THSD4: variants seen among roughly 807,000 people sequenced by gnomAD.
The protein encoded by THSD4 is thrombospondin type-1 domain-containing protein 4.
Under a neutral mutation model 119.0 loss-of-function variants are expected in THSD4, and 69 were observed. The observed-to-expected ratio is 0.58, with a 90% CI of 0.48 to 0.71. The LOEUF is 0.71. Ranked by LOEUF, THSD4 falls within the 30% of genes least tolerant of loss-of-function variation. THSD4 has a pLI of 0.00. For synonymous variants in THSD4, 524 were observed against 540.4 expected, an observed-to-expected ratio of 0.97 and a Z score of 0.42; for missense variants, 1,393 against 1,391.1, an observed-to-expected ratio of 1.00 and a Z score of -0.02.
At chr15:71,278,400 G>A (rs2044615619) in intron 6 of THSD4, among the ~76,000 whole-genome samples, 1 of 152,114 alleles carries the variant, frequency 6.6e-6, no homozygotes, top group South Asian at 2.1e-4. Context: ...TGCCCAGCTG[G>A]TCTTGAACTC....
intron 7 of THSD4, among the ~76,000 whole-genome samples, chr15:71,453,814 T>C (rs113707922): frequency 5.9e-5 from 9 of 152,336 alleles, no homozygotes; most frequent in African/African-American, 2.2e-4. Context: ...GTGACCATCA[T>C]AACCGCCTGC....
intron 1 of THSD4, among the ~76,000 whole-genome samples, chr15:71,109,481 TGGAA>T (rs1455642548): frequency 6.6e-6 from 1 of 152,306 alleles, no homozygotes; most frequent in East Asian, 1.9e-4. Flanking sequence ...ATCTGAGAAC[TGGAA>T]GGGGCTATAC....
chr15:71,479,983 A>G (rs1343098640), intron 7 of THSD4, among the ~76,000 whole-genome samples: 1 of 152,186 alleles, frequency 6.6e-6, no homozygotes, highest in Non-Finnish European at 1.5e-5. Context: ...TTTATATTGT[A>G]TAAAATAAGA....
At chr15:71,736,917 CA>C (rs766176043) in intron 10 of THSD4, among the ~76,000 whole-genome samples, 10 of 152,224 alleles carry the variant, frequency 6.6e-5, no homozygotes, top group Non-Finnish European at 1.3e-4. Context: ...AAATCACACA[CA>C]AATTAGTATC....
chr15:71,145,671 A>C (rs564097732), intron 2 of THSD4, among the ~76,000 whole-genome samples: 4 of 152,342 alleles, frequency 2.6e-5, no homozygotes, highest in Admixed American at 2.6e-4. Context: ...TATGTGTGAG[A>C]AAGAGAATGC....
intron 4 of THSD4, among the ~76,000 whole-genome samples, chr15:71,225,376 A>G (rs1443537055): frequency 6.6e-6 from 1 of 152,138 alleles, no homozygotes; most frequent in Non-Finnish European, 1.5e-5. Flanking sequence ...ACATTCATAA[A>G]ATAAAGAGGT....
At chr15:71,576,451 C>T (rs548155209) in intron 7 of THSD4, among the ~76,000 whole-genome samples, 2 of 152,270 alleles carry the variant, frequency 1.3e-5, no homozygotes, top group East Asian at 3.9e-4. Flanking sequence ...ATACTTGGAC[C>T]TCAGCTCAGG....
chr15:71,234,700 A>G (rs973913238), intron 4 of THSD4, among the ~76,000 whole-genome samples: 3 of 152,224 alleles, frequency 2.0e-5, no homozygotes, highest in African/African-American at 7.2e-5. Context: ...ACTGTTTTCC[A>G]GACTTTGGCT....
At chr15:71,447,173 T>C (rs2047197119) in intron 7 of THSD4, among the ~76,000 whole-genome samples, 1 of 129,690 alleles carries the variant, frequency 7.7e-6, no homozygotes, top group Non-Finnish European at 1.6e-5. Flanking sequence ...CAGGCTGGAG[T>C]GCAGTGATGC....
chr15:71,642,292 T>A (rs1026174736), intron 7 of THSD4, among the ~76,000 whole-genome samples: 1 of 152,154 alleles, frequency 6.6e-6, no homozygotes, highest in African/African-American at 2.4e-5. Context: ...TTAAAAAGTC[T>A]GGAAACAACA....
chr15:71,334,277 T>C (rs887586881), intron 6 of THSD4, among the ~76,000 whole-genome samples: 1 of 152,198 alleles, frequency 6.6e-6, no homozygotes, highest in African/African-American at 2.4e-5. Flanking sequence ...GGTAATCTCT[T>C]CTCACAAATG....
At chr15:71,710,788 C>T (rs774131279) in intron 8 of THSD4, among the ~76,000 whole-genome samples, 3 of 152,056 alleles carry the variant, frequency 2.0e-5, no homozygotes, top group Non-Finnish European at 4.4e-5. Context: ...ATGGTACGTT[C>T]TGTTCCACAC....
chr15:71,327,390 T>A (rs2045360223), intron 6 of THSD4, among the ~76,000 whole-genome samples: 1 of 152,166 alleles, frequency 6.6e-6, no homozygotes, highest in Non-Finnish European at 1.5e-5. Flanking sequence ...TTGGGAAGCC[T>A]TCCCTGACTG....
At position 71,666,937 on chromosome 15, in the gene THSD4, G is replaced by A. The variant is rs147682558; in HGVS notation, c.1357+6203G>A. Reference sequence around the variant, plus strand: ...GAGGAGTGGCCTATGTAGAGCTGGGGGAAGAGGCCAACTCACCACAATGCT... The same window carrying A: ...GAGGAGTGGCCTATGTAGAGCTGGGAGAAGAGGCCAACTCACCACAATGCT... On this transcript the variant is annotated intron_variant, in intron 8 of 17. Coordinates refer to ENST00000261862, the MANE Select transcript of THSD4 (RefSeq NM_024817.3). Among the ~76,000 whole-genome samples, 49 of 152,286 alleles carry A rather than the reference G, an allele frequency of 3.2e-4. No homozygotes were observed. The East Asian group carries it at 9.1e-3, about 28-fold the overall frequency.
At chr15:71,656,636 G>A (rs2051198212) in intron 7 of THSD4, among the ~76,000 whole-genome samples, 1 of 152,152 alleles carries the variant, frequency 6.6e-6, no homozygotes. Context: ...AACAAAGCTA[G>A]AACCCTCAAC....
At chr15:71,192,772 C>G (rs2141442026) in intron 3 of THSD4, among the ~76,000 whole-genome samples, 1 of 152,208 alleles carries the variant, frequency 6.6e-6, no homozygotes, top group South Asian at 2.1e-4. Context: ...ATACTCTTGT[C>G]CATGACAACT....
intron 7 of THSD4, among the ~76,000 whole-genome samples, chr15:71,578,844 C>CTTTTTT (rs373480493): frequency 7.6e-6 from 1 of 132,280 alleles, no homozygotes; most frequent in Non-Finnish European, 1.6e-5. Flanking sequence ...ACTGCATTAA[C>CTTTTTT]TTTTTTTTTT....
chr15:71,661,402 T>TTA, intron 8 of THSD4, among the ~76,000 whole-genome samples: 1 of 111,816 alleles, frequency 8.9e-6, no homozygotes, highest in African/African-American at 3.6e-5. Context: ...TATTTATTTA[T>TTA]TTTTTTTTTT....
At chr15:71,361,179 G>A (rs2045887941) in intron 6 of THSD4, among the ~76,000 whole-genome samples, 1 of 152,168 alleles carries the variant, frequency 6.6e-6, no homozygotes, top group Non-Finnish European at 1.5e-5. Flanking sequence ...TAGGTAATGG[G>A]GAGCCACTGA....
Sources: allele counts gnomAD v4.1 joint callset (sites outside exome capture counted in the v4.1 genomes callset), GRCh38; gene constraint gnomAD v4.1.1; transcripts MANE v1.5; gene names NCBI Gene and HGNC (gene_info 2026-07-23, HGNC 2026-07-21).